The following APC variants were observed in gnomAD, a reference collection of about 807,000 sequenced individuals.
APC encodes adenomatous polyposis coli protein.
In APC, 72 loss-of-function variants were observed where a neutral mutation model predicts 247.0. The ratio of observed to expected loss-of-function variants is 0.29; its 90% CI spans 0.24 to 0.35. The LOEUF is 0.35. Ranked by LOEUF, APC falls within the 10% of genes least tolerant of loss-of-function variation. The probability of loss-of-function intolerance (pLI) is 1.00; values close to 1 mark genes in which losing one functional copy is unlikely to be tolerated. For synonymous variants in APC, 1,254 were observed against 1,162.5 expected (o/e 1.08, Z -1.60); for missense variants, 3,400 against 3,360.7 (o/e 1.01, Z -0.29).
chr5:112,829,735 G>A (rs1013280226), intron 14 of APC: 2 of 152,224 alleles, frequency 1.3e-5, no homozygotes, highest in Admixed American at 6.5e-5. Flanking sequence ...CTGTGGGAGG[G>A]AGGAAGGACA....
upstream of APC, among the ~76,000 whole-genome samples, chr5:112,735,012 T>C (rs1393149008): frequency 1.3e-5 from 2 of 152,120 alleles, no homozygotes; most frequent in African/African-American, 2.4e-5. Context: ...GAAGGGTTTT[T>C]TAAGTTGAAT....
intron 14 of APC, among the ~76,000 whole-genome samples, chr5:112,834,065 A>G (rs1764597644): frequency 6.6e-6 from 1 of 151,734 alleles, no homozygotes; most frequent in Non-Finnish European, 1.5e-5. Flanking sequence ...GATCCTCCCA[A>G]GCAGCTGTGA....
chr5:112,776,842 C>G (rs1757710254), intron 5 of APC, among the ~76,000 whole-genome samples: 2 of 151,076 alleles, frequency 1.3e-5, no homozygotes, highest in African/African-American at 2.4e-5. Context: ...AAGACTCCAT[C>G]TCAAAACAAA....
rs754571230 is a variant in APC, at chr5:112,839,734, C to G, written c.4140C>G (p.Thr1380=). The G allele has an allele frequency of 1.2e-6, 2 of 1,614,016 alleles. No individual in the cohort carries two copies. Among genetic ancestry groups the G allele is most frequent in the Non-Finnish European group, 1.7e-6 (2 of 1,179,994 alleles). The change falls in exon 16 of 16, where the codon ACC becomes ACG. Residue 1380 remains threonine, a synonymous_variant. Coordinates refer to ENST00000257430, the MANE Select transcript of APC (RefSeq NM_000038.6). The surrounding 1 kb of genome is among the most constrained non-coding windows in gnomAD (Gnocchi z 5.0). ...CACCTGAACACTATGTTCAGGAGAC[C>G]CCACTCATGTTTAGCAGATGTACTT... is the stretch of plus-strand genomic sequence containing the variant. ...KSPPEHYVQE[T]PLMFSRCTSV... is the part of the protein sequence containing the mutation.
intron 1 of APC, among the ~76,000 whole-genome samples, chr5:112,716,781 CCT>C (rs1222809460): frequency 6.6e-6 from 1 of 152,130 alleles, no homozygotes; most frequent in Non-Finnish European, 1.5e-5. Flanking sequence ...TATCAAGTTT[CCT>C]CTTTTATTCT....
rs1005515952 is a variant in APC, at chr5:112,844,769, A to G, written c.*643A>G. 8.6e-6 allele frequency: 2 copies of G among 231,884 alleles called. No homozygotes were observed. The highest frequency in any genetic ancestry group is 4.4e-5 in the African/African-American group (2 of 45,276). 14.4% of individuals were successfully genotyped at this position (231,884 alleles called of 1,614,324 possible). ...TACACTATTTTGTGCTCCAAACAAA[A>G]CAAAAATCTGTGTAACTGTAAAACA... On this transcript the variant is annotated 3_prime_UTR_variant, in exon 16 of 16. Transcript: ENST00000257430.
chr5:112,793,538 C>T (rs370627873), intron 7 of APC, among the ~76,000 whole-genome samples: 3 of 152,130 alleles, frequency 2.0e-5, no homozygotes, highest in Admixed American at 6.5e-5. Context: ...ACCTAGATCA[C>T]CCTATAGGGT....
At chr5:112,822,676 G>A (rs192743811) in intron 11 of APC, among the ~76,000 whole-genome samples, 4 of 152,184 alleles carry the variant, frequency 2.6e-5, no homozygotes, top group African/African-American at 7.2e-5. Context: ...ATTGCATCAT[G>A]CTGAACCATC....
intron 11 of APC, among the ~76,000 whole-genome samples, chr5:112,822,699 G>A (rs568005919): frequency 2.6e-5 from 4 of 152,048 alleles, no homozygotes; most frequent in African/African-American, 9.7e-5. Context: ...ATGTGAACTG[G>A]ATCTCTCTAG....
At chr5:112,820,682 A>G (rs1763028309) in intron 10 of APC, among the ~76,000 whole-genome samples, 1 of 152,216 alleles carries the variant, frequency 6.6e-6, no homozygotes, top group South Asian at 2.1e-4. Context: ...GAATAAAATG[A>G]TACTTCTTTT....
At chr5:112,746,882 T>C (rs1753745112) in intron 1 of APC, among the ~76,000 whole-genome samples, 3 of 152,230 alleles carry the variant, frequency 2.0e-5, no homozygotes, top group Admixed American at 2.0e-4. Flanking sequence ...TATGATTGCA[T>C]ACCCAGAAAA....
intron 8 of APC, among the ~76,000 whole-genome samples, chr5:112,806,505 C>T (rs1227191600): frequency 6.6e-6 from 1 of 152,096 alleles, no homozygotes; most frequent in African/African-American, 2.4e-5. Flanking sequence ...TCCCTGCTTG[C>T]TTAGCATATA....
chr5:112,828,570 A>C (rs905253541), intron 13 of APC, among the ~76,000 whole-genome samples: 2 of 151,704 alleles, frequency 1.3e-5, no homozygotes, highest in African/African-American at 4.8e-5. Flanking sequence ...TCAGCCTCCC[A>C]AGTAGCTAGA....
chr5:112,740,569 C>A (rs964595411), intron 1 of APC, among the ~76,000 whole-genome samples: 1 of 141,412 alleles, frequency 7.1e-6, no homozygotes, highest in Non-Finnish European at 1.5e-5. Context: ...TTTGTCAACC[C>A]AGGCTGGCGT....
chr5:112,716,792 C>T (rs904551998), intron 1 of APC, among the ~76,000 whole-genome samples: 2 of 152,134 alleles, frequency 1.3e-5, no homozygotes, highest in African/African-American at 2.4e-5. Context: ...CTCTTTTATT[C>T]TGGTAGTACT....
intron 1 of APC, among the ~76,000 whole-genome samples, chr5:112,723,135 C>G (rs1006709993): frequency 2.3e-4 from 29 of 128,288 alleles, no homozygotes; most frequent in African/African-American, 6.7e-4. Context: ...TGAAGTGCCT[C>G]AACATTATTA....
chr5:112,749,388 G>A (rs1338293304), intron 1 of APC, among the ~76,000 whole-genome samples: 1 of 151,394 alleles, frequency 6.6e-6, no homozygotes, highest in Non-Finnish European at 1.5e-5. Context: ...TTCCTTAAAA[G>A]TTTGGTAGAA....
rs587779807 is a variant in APC at position 112,843,402 on chromosome 5, A to G, written c.7808A>G (p.Glu2603Gly). 5.6e-6 allele frequency: 9 copies of G among 1,613,204 alleles called. No individual in the cohort carries two copies. The highest frequency in any genetic ancestry group is 2.7e-5 in the African/African-American group (2 of 74,836). Residue 2603 changes from glutamate to glycine, a missense_variant, in exon 16 of 16, where the codon GAA becomes GGA. Glu to Gly is a moderately conservative substitution (Grantham distance 98). Transcript: ENST00000257430. This position sits in a 1 kb window ranked among gnomAD's most constrained non-coding sequence, Gnocchi z 4.8. ...ATTTCAGGAACCAAACAAAGTAAAG[A>G]AAACCAAGTATCCGCAAAAGGAACA... is the stretch of plus-strand genomic sequence containing the variant. Reference protein sequence around the residue: ...NSISGTKQSKENQVSAKGTWR... With the variant: ...NSISGTKQSKGNQVSAKGTWR...
In APC at chr5:112,837,776, A is replaced by G. The variant is rs2149862563; in HGVS notation, c.2182A>G (p.Asn728Asp). 1 of 1,614,124 alleles carries G rather than the reference A, an allele frequency of 6.2e-7. No individual in the cohort carries two copies. ...IAMGSAAALR[N>D]LMANRPAKYK... Reference sequence around the variant, plus strand: ...TATGGGAAGTGCTGCAGCTTTAAGGAATCTCATGGCAAATAGGCCTGCGAA... The same window carrying G: ...TATGGGAAGTGCTGCAGCTTTAAGGGATCTCATGGCAAATAGGCCTGCGAA... The change falls in exon 16 of 16, where the codon AAT (asparagine) becomes GAT (aspartate). Residue 728 changes from asparagine to aspartate, a missense_variant. Coordinates refer to ENST00000257430, the MANE Select transcript of APC (RefSeq NM_000038.6).
Sources: gnomAD v4.1 joint callset for allele counts (sites outside exome capture counted in the v4.1 genomes callset) on GRCh38, gnomAD v4.1.1 for gene constraint, Gnocchi (gnomAD v3.1) non-coding constraint, MANE v1.5 for transcripts, NCBI Gene and HGNC (gene_info 2026-07-23, HGNC 2026-07-21) for gene names.